The following CDH13 variants were observed in gnomAD, a reference collection of about 807,000 sequenced individuals.
The protein encoded by CDH13 is cadherin 13, also known as cadherin-13.
Under a neutral mutation model 63.8 loss-of-function variants are expected in CDH13, and 24 were observed. The observed-to-expected ratio is 0.38, with a 90% CI of 0.27 to 0.53. The LOEUF is 0.53. Among genes scored for constraint, CDH13 ranks in the 20% least tolerant of loss-of-function variants. The pLI, the probability that CDH13 is intolerant of heterozygous loss-of-function variation, is 0.85. For missense variants in CDH13, 1,049 were observed against 903.1 expected, an observed-to-expected ratio of 1.16 and a Z score of -2.07; for synonymous variants, 503 against 355.3, an observed-to-expected ratio of 1.42 and a Z score of -4.67.
At chr16:83,287,348 C>G (rs2089344262) in intron 5 of CDH13, among the ~76,000 whole-genome samples, 1 of 152,214 alleles carries the variant, frequency 6.6e-6, no homozygotes, top group Non-Finnish European at 1.5e-5. Context: ...AGCCTATGAC[C>G]TGTTAGGAAC....
chr16:83,288,079 G>A (rs546424678), intron 5 of CDH13, among the ~76,000 whole-genome samples: 8 of 152,296 alleles, frequency 5.3e-5, no homozygotes, highest in African/African-American at 1.9e-4. Flanking sequence ...AAATTTTTAG[G>A]TAGTGTCCAT....
chr16:82,848,687 C>T (rs1246258616), intron 1 of CDH13, among the ~76,000 whole-genome samples: 2 of 151,984 alleles, frequency 1.3e-5, no homozygotes, highest in Non-Finnish European at 2.9e-5. Flanking sequence ...TCATCTGTCT[C>T]CTTCTCCTCC....
chr16:82,857,350 G>T (rs1567605726), intron 1 of CDH13, among the ~76,000 whole-genome samples: 1 of 152,206 alleles, frequency 6.6e-6, no homozygotes, highest in Admixed American at 6.5e-5. Context: ...GCTTTCATTT[G>T]TTAAGTGTTA....
chr16:82,773,716 C>A (rs2151100601), intron 1 of CDH13, among the ~76,000 whole-genome samples: 1 of 152,038 alleles, frequency 6.6e-6, no homozygotes, highest in Non-Finnish European at 1.5e-5. Context: ...ATAAATCTTG[C>A]CTTATGTTGC....
rs1029998245 is a variant in CDH13 at position 83,111,888 on chromosome 16, C to G, written c.367-13497C>G. 2.0e-5 allele frequency among the ~76,000 whole-genome samples: 3 copies of G among 152,236 alleles called. No homozygotes were observed. In the East Asian group the frequency reaches 5.8e-4, roughly 29 times the overall value. ...ACTTCTCCCTGATGAAGCATTCAGTCTTGTTTTCCTGGATCTCATGCATGT... is the reference window on the plus strand; with the variant it reads ...ACTTCTCCCTGATGAAGCATTCAGTGTTGTTTTCCTGGATCTCATGCATGT... On this transcript the variant is annotated intron_variant, in intron 3 of 13. Transcript: ENST00000567109.
chr16:82,684,361 T>C (rs978969915), intron 1 of CDH13, among the ~76,000 whole-genome samples: 5 of 152,218 alleles, frequency 3.3e-5, no homozygotes, highest in African/African-American at 1.2e-4. Flanking sequence ...ACATCATGTG[T>C]CTACAGCTGG....
chr16:82,988,359 A>G (rs1275842927), intron 2 of CDH13, among the ~76,000 whole-genome samples: 2 of 152,272 alleles, frequency 1.3e-5, no homozygotes, highest in East Asian at 1.9e-4. Flanking sequence ...AAAGATGGGC[A>G]GATAAGTATG....
chr16:82,749,360 T>C (rs1341107617), intron 1 of CDH13, among the ~76,000 whole-genome samples: 27 of 152,028 alleles, frequency 1.8e-4, no homozygotes, highest in Admixed American at 1.8e-3. Flanking sequence ...AGCCCAGGAG[T>C]CTCACTTACG....
chr16:82,768,781 C>G (rs1363920465), intron 1 of CDH13, among the ~76,000 whole-genome samples: 1 of 152,194 alleles, frequency 6.6e-6, no homozygotes, highest in Non-Finnish European at 1.5e-5. Flanking sequence ...TCTTTGCTGT[C>G]TAACCCAGCA....
chr16:83,160,183 A>C (rs1449208642), intron 4 of CDH13, among the ~76,000 whole-genome samples: 1 of 152,144 alleles, frequency 6.6e-6, no homozygotes, highest in Admixed American at 6.5e-5. Flanking sequence ...CATTTTAAAC[A>C]TGTTTGGGTG....
At chr16:82,735,576 T>C (rs1257368619) in intron 1 of CDH13, among the ~76,000 whole-genome samples, 2 of 152,228 alleles carry the variant, frequency 1.3e-5, no homozygotes, top group African/African-American at 2.4e-5. Context: ...CTATGTGTAA[T>C]AGATGAATAA....
chr16:82,940,597 T>C (rs117250355), intron 2 of CDH13, among the ~76,000 whole-genome samples: 56 of 152,346 alleles, frequency 3.7e-4, no homozygotes, highest in Admixed American at 2.4e-3. Flanking sequence ...CTGCTTCACC[T>C]TAGCTGGTTC....
At chr16:83,237,203 A>G (rs2040171397) in intron 5 of CDH13, among the ~76,000 whole-genome samples, 1 of 152,210 alleles carries the variant, frequency 6.6e-6, no homozygotes, top group Non-Finnish European at 1.5e-5. Context: ...GAAGGTCACC[A>G]AGGGAAGGCA....
chr16:83,619,315 A>G (rs902226310), intron 8 of CDH13, among the ~76,000 whole-genome samples: 2 of 152,178 alleles, frequency 1.3e-5, no homozygotes, highest in Non-Finnish European at 2.9e-5. Flanking sequence ...ATGACCCCTC[A>G]TGATGAGATG....
intron 3 of CDH13, among the ~76,000 whole-genome samples, chr16:83,032,907 A>G (rs1358969705): frequency 6.6e-6 from 1 of 152,196 alleles, no homozygotes; most frequent in African/African-American, 2.4e-5. Context: ...AAGGTGACCC[A>G]CTAGAATTGT....
intron 2 of CDH13, among the ~76,000 whole-genome samples, chr16:83,029,925 A>C (rs1413318952): frequency 1.3e-5 from 2 of 152,242 alleles, no homozygotes; most frequent in Non-Finnish European, 2.9e-5. Flanking sequence ...ACGTAGTACA[A>C]TTCTATGCTT....
intron 2 of CDH13, among the ~76,000 whole-genome samples, chr16:82,989,639 T>G (rs1911405341): frequency 6.6e-6 from 1 of 152,196 alleles, no homozygotes. Context: ...TTTTCTCGAT[T>G]AGTGCAGAGG....
chr16:83,040,181 G>A (rs535065424), intron 3 of CDH13, among the ~76,000 whole-genome samples: 1 of 151,858 alleles, frequency 6.6e-6, no homozygotes, highest in African/African-American at 2.4e-5. Flanking sequence ...GCTGGAAAAG[G>A]GGTTCATAAT....
intron 3 of CDH13, among the ~76,000 whole-genome samples, chr16:83,080,871 G>GGTT (rs2033183201): frequency 8.5e-5 from 4 of 46,928 alleles, no homozygotes; most frequent in African/African-American, 1.9e-4. Flanking sequence ...TTGTTTTTGT[G>GGTT]TTTTTTTTTT....
Sources: allele counts gnomAD v4.1 joint callset (sites outside exome capture counted in the v4.1 genomes callset), GRCh38; gene constraint gnomAD v4.1.1; transcripts MANE v1.5; gene names NCBI Gene and HGNC (gene_info 2026-07-23, HGNC 2026-07-21).